TLK1: variants seen among roughly 807,000 people sequenced by gnomAD.
TLK1 encodes serine/threonine-protein kinase tousled-like 1.
In TLK1, 24 loss-of-function variants were observed where a neutral mutation model predicts 105.3. That is an observed-to-expected ratio of 0.23 (90% CI 0.17 to 0.32). TLK1 has a LOEUF of 0.32. Ranked by LOEUF, TLK1 falls within the 10% of genes least tolerant of loss-of-function variation. The probability of loss-of-function intolerance (pLI) is 1.00; values close to 1 mark genes in which losing one functional copy is unlikely to be tolerated. For missense variants in TLK1, 558 were observed against 910.5 expected (o/e 0.61, Z 4.98); for synonymous variants, 321 against 310.4 (o/e 1.03, Z -0.36).
At chr2:171,039,448 G>A (rs1018112710) in intron 11 of TLK1, among the ~76,000 whole-genome samples, 1 of 151,958 alleles carries the variant, frequency 6.6e-6, no homozygotes, top group South Asian at 2.1e-4. Flanking sequence ...AGTAGAGATG[G>A]GTTTTTGCCA....
intron 1 of TLK1, among the ~76,000 whole-genome samples, chr2:171,119,198 C>T (rs141983100): frequency 4.6e-5 from 7 of 152,338 alleles, no homozygotes; most frequent in Admixed American, 2.6e-4. Context: ...TTCCCTTAAA[C>T]TGGTTTATAA....
At chr2:171,112,717 G>GC (rs1172794083) in intron 2 of TLK1, among the ~76,000 whole-genome samples, 1 of 151,936 alleles carries the variant, frequency 6.6e-6, no homozygotes, top group African/African-American at 2.4e-5. Flanking sequence ...AAAGAGAACA[G>GC]CAAGACTGCC....
chr2:171,058,108 T>C (rs762823790), intron 5 of TLK1, 43 bp downstream of exon 5: 2 of 1,598,616 alleles, frequency 1.3e-6, no homozygotes, highest in Non-Finnish European at 1.7e-6. Context: ...CACAGCAGAA[T>C]AGTACTGAAT....
rs1420131167 is a variant in TLK1 at position 171,015,662 on chromosome 2, CTCATGTCAT to C, written c.1237-723_1237-715del. Among the ~76,000 whole-genome samples the C allele has an allele frequency of 5.8e-3, 831 of 143,834 alleles. 9 individuals are homozygous for C. The highest frequency in any genetic ancestry group is 0.02 in the African/African-American group (753 of 38,048). The allele number at this position is 143,834 out of a possible 152,430, so 94.4% of individuals were successfully genotyped here. On this transcript the variant is annotated intron_variant, in intron 12 of 20. Coordinates refer to ENST00000431350, the MANE Select transcript of TLK1 (RefSeq NM_012290.5). ...GCCACCAAAACAAGTACACATATCA[CTCATGTCAT>C]TCATGTCATTCATTCATACACACAC... is the stretch of plus-strand genomic sequence containing the variant.
chr2:171,218,903 C>G (rs1409142039), intron 1 of TLK1, among the ~76,000 whole-genome samples: 2 of 152,090 alleles, frequency 1.3e-5, no homozygotes, highest in African/African-American at 4.8e-5. Flanking sequence ...CAAACCATAG[C>G]ACATAGTAAA....
At chr2:171,152,190 C>T (rs1445711987) in intron 1 of TLK1, among the ~76,000 whole-genome samples, 2 of 152,150 alleles carry the variant, frequency 1.3e-5, no homozygotes, top group East Asian at 3.8e-4. Context: ...ATGAGTATAA[C>T]CAATTCTTAA....
chr2:171,201,516 G>A (rs539834229), intron 1 of TLK1, among the ~76,000 whole-genome samples: 1 of 152,288 alleles, frequency 6.6e-6, no homozygotes, highest in South Asian at 2.1e-4. Flanking sequence ...TGACACATTT[G>A]ATAGGTGATC....
chr2:171,021,535 T>C (rs1685507114), intron 12 of TLK1, among the ~76,000 whole-genome samples: 1 of 150,358 alleles, frequency 6.7e-6, no homozygotes. Flanking sequence ...CCCAAAGTGC[T>C]GGGATTACAG....
chr2:171,160,272 G>T lies in TLK1; in HGVS notation c.139+18C>A. ...GGAGAGGAGGCCCGCGAGCGGGCGC[G>T]GGCGCGGCGGTGCTTACCTTCCCTG... On this transcript the variant is annotated intron_variant, in intron 1 of 20. Coordinates refer to ENST00000431350, the MANE Select transcript of TLK1 (RefSeq NM_012290.5). This position sits in a 1 kb window ranked among gnomAD's most constrained non-coding sequence, Gnocchi z 4.4. The T allele has an allele frequency of 6.6e-7, 1 of 1,512,606 alleles. No homozygotes were observed. Among genetic ancestry groups the T allele is most frequent in the Admixed American group, 2.4e-5 (1 of 41,164 alleles). The allele number at this position is 1,512,606 out of a possible 1,614,324, so 93.7% of individuals were successfully genotyped here. A position where few individuals can be genotyped will look rare whatever the true frequency, so the allele number is the denominator to read the frequency against.
rs1253964742 is a variant in TLK1 at position 170,993,885 on chromosome 2, T to C, written c.2196A>G (p.Pro732=). 1.2e-6 allele frequency: 2 copies of C among 1,612,924 alleles called. No homozygotes were observed. Among genetic ancestry groups the C allele is most frequent in the East Asian group, 4.5e-5 (2 of 44,788 alleles). The part of the protein sequence containing the change: ...RFDVHQLAND[P]YLLPHMRRSN... ...ATCTTCTCATGTGTGGGAGAAGGTA[T>C]GGGTCATTTGCCAGCTGGTGCACAT... Residue 732 remains proline, a synonymous_variant, in exon 21 of 21, where the codon CCA becomes CCG. Transcript: ENST00000431350.
intron 1 of TLK1, among the ~76,000 whole-genome samples, chr2:171,227,576 T>C (rs1456565001): frequency 4.0e-5 from 3 of 74,340 alleles, no homozygotes; most frequent in Non-Finnish European, 8.1e-5. Context: ...TCCTTTTTTT[T>C]TTTTTTTTTT....
intron 2 of TLK1, among the ~76,000 whole-genome samples, chr2:171,086,300 G>A (rs1688969980): frequency 6.6e-6 from 1 of 152,140 alleles, no homozygotes; most frequent in Non-Finnish European, 1.5e-5. Context: ...ACCAAAAGTA[G>A]GCAGAATCTA....
chr2:171,160,583 G>A lies in TLK1; in HGVS notation c.-155C>T, dbSNP rs1201897818. ...TCAAGGGGATGGGGGAGGAAACCGA[G>A]AAGAGGGGAGGTGGGGAGGAAAGAG... is the stretch of plus-strand genomic sequence containing the variant. On this transcript the variant is annotated 5_prime_UTR_variant, in exon 1 of 21. Transcript: ENST00000431350. This position sits in a 1 kb window ranked among gnomAD's most constrained non-coding sequence, Gnocchi z 4.4. 18 of 1,170,692 alleles carry A rather than the reference G, an allele frequency of 1.5e-5. No individual in the cohort carries two copies. Among genetic ancestry groups the A allele is most frequent in the Non-Finnish European group, 2.1e-5 (18 of 847,820 alleles). The allele number at this position is 1,170,692 out of a possible 1,614,324, so 72.5% of individuals were successfully genotyped here. A position where few individuals can be genotyped will look rare whatever the true frequency, so the allele number is the denominator to read the frequency against.
intron 12 of TLK1, among the ~76,000 whole-genome samples, chr2:171,027,249 ACCTATAATTCAG>A (rs1293241208): frequency 6.6e-6 from 1 of 152,116 alleles, no homozygotes; most frequent in African/African-American, 2.4e-5. Context: ...CTTCAATTTT[ACCTATAATTCAG>A]CCTATTTAAA....
At chr2:171,228,345 G>T (rs1419944064) in intron 1 of TLK1, among the ~76,000 whole-genome samples, 2 of 152,198 alleles carry the variant, frequency 1.3e-5, no homozygotes, top group Non-Finnish European at 2.9e-5. Context: ...CCTAAGGCTA[G>T]GAATTAGAGA....
At chr2:171,176,081 C>A (rs1319469858) in intron 1 of TLK1, among the ~76,000 whole-genome samples, 1 of 152,038 alleles carries the variant, frequency 6.6e-6, no homozygotes, top group African/African-American at 2.4e-5. Context: ...GGATTACAAG[C>A]ATGGGTCACC....
At chr2:171,082,057 A>AC (rs1688779508) in intron 3 of TLK1, among the ~76,000 whole-genome samples, 4 of 151,892 alleles carry the variant, frequency 2.6e-5, no homozygotes, top group South Asian at 2.1e-4. Flanking sequence ...ACACACACAC[A>AC]AGTGACAGAC....
rs536622720 is a variant in TLK1 at position 171,130,748 on chromosome 2, T to C, written c.140-12891A>G. Among the ~76,000 whole-genome samples, 13 of 152,242 alleles carry C rather than the reference T, an allele frequency of 8.5e-5. No individual in the cohort carries two copies. The South Asian group carries it at 1.9e-3, about 22-fold the overall frequency. On this transcript the variant is annotated intron_variant, in intron 1 of 20. Transcript: ENST00000431350. ...TTCCAATAAAACAGGCTAGCCTACGTAGGATAGGGCTCCTACCTGCTCTAC... is the reference window on the plus strand; with the variant it reads ...TTCCAATAAAACAGGCTAGCCTACGCAGGATAGGGCTCCTACCTGCTCTAC...
chr2:171,171,244 T>G (rs1339746932), intron 1 of TLK1, among the ~76,000 whole-genome samples: 2 of 152,106 alleles, frequency 1.3e-5, no homozygotes, highest in Admixed American at 6.5e-5. Flanking sequence ...CTCATGCCTG[T>G]AATCCCAGCA....
Sources: allele counts gnomAD v4.1 joint callset (sites outside exome capture counted in the v4.1 genomes callset), GRCh38; gene constraint gnomAD v4.1.1; non-coding constraint Gnocchi (gnomAD v3.1); transcripts MANE v1.5; gene names NCBI Gene and HGNC (gene_info 2026-07-23, HGNC 2026-07-21).